Variants in SPATA17 observed in about 807,000 individuals in gnomAD.
The protein encoded by SPATA17 is spermatogenesis-associated protein 17.
In SPATA17, 53 loss-of-function variants were observed where a neutral mutation model predicts 62.2. The observed-to-expected ratio is 0.85, with a 90% CI of 0.68 to 1.07. The LOEUF (loss-of-function observed/expected upper bound fraction) is 1.07. Among genes scored for constraint, SPATA17 ranks in the 50% least tolerant of loss-of-function variants. The probability of loss-of-function intolerance (pLI) is 0.00; values close to 1 mark genes in which losing one functional copy is unlikely to be tolerated. For missense variants in SPATA17, 466 were observed against 425.5 expected, an observed-to-expected ratio of 1.10 and a Z score of -0.84; for synonymous variants, 146 against 146.8, an observed-to-expected ratio of 0.99 and a Z score of 0.04.
intron 9 of SPATA17, among the ~76,000 whole-genome samples, chr1:217,831,724 G>A (rs1432487553): frequency 6.6e-6 from 1 of 152,058 alleles, no homozygotes; most frequent in South Asian, 2.1e-4. Flanking sequence ...TTAGAAGACT[G>A]GAAGCATGTC....
rs1672243332 is a variant in SPATA17 at position 217,725,669 on chromosome 1, G to T, written c.396-16306G>T. Among the ~76,000 whole-genome samples the T allele has an allele frequency of 2.6e-5, 4 of 152,202 alleles. No individual in the cohort carries two copies. In the South Asian group the frequency reaches 8.3e-4, roughly 32 times the overall value. On this transcript the variant is annotated intron_variant, in intron 5 of 10. Transcript: ENST00000366933. ...GTAGAGACAGAGTTTTGCCATGTTG[G>T]CCAGGCTGGTCTCAAACTCCTGACC...
chr1:217,830,190 C>T (rs1048960417), intron 9 of SPATA17, among the ~76,000 whole-genome samples: 10 of 151,988 alleles, frequency 6.6e-5, no homozygotes, highest in Non-Finnish European at 1.5e-5. Flanking sequence ...TTGTATCTTC[C>T]ATTCAATTTT....
rs909899692 is a variant in SPATA17, at chr1:217,668,952, T to C, written c.241-81T>C. 3 of 1,191,032 alleles carry C rather than the reference T, an allele frequency of 2.5e-6. No homozygotes were observed. The African/African-American group carries it at 4.6e-5, about 18-fold the overall frequency. 73.8% of individuals were successfully genotyped at this position (1,191,032 alleles called of 1,614,324 possible). A position where few individuals can be genotyped will look rare whatever the true frequency, so the allele number is the denominator to read the frequency against. ...CTTATTATGTATTATGTATAAAGAT[T>C]CTTATCTTTTATATGTAAAAATAGG... On this transcript the variant is annotated intron_variant, in intron 3 of 10. Transcript: ENST00000366933.
intron 1 of SPATA17, among the ~76,000 whole-genome samples, chr1:217,636,654 G>A (rs541009020): frequency 6.6e-6 from 1 of 152,180 alleles, no homozygotes; most frequent in African/African-American, 2.4e-5. Flanking sequence ...GAACTCCTGG[G>A]CTCAAGCCAT....
At chr1:217,660,296 T>G (rs888465070) in intron 3 of SPATA17, among the ~76,000 whole-genome samples, 6 of 152,194 alleles carry the variant, frequency 3.9e-5, no homozygotes, top group Non-Finnish European at 7.4e-5. Context: ...ACTGATACAT[T>G]TGTTTATTTA....
intron 3 of SPATA17, among the ~76,000 whole-genome samples, chr1:217,658,487 G>A (rs556503663): frequency 9.9e-4 from 150 of 152,258 alleles, no homozygotes; most frequent in African/African-American, 3.3e-3. Flanking sequence ...GGCCGGGTGT[G>A]GAGGCTCACA....
chr1:217,649,022 C>G (rs374223744), intron 2 of SPATA17, 51 bp downstream of exon 2: 474 of 1,268,916 alleles, frequency 3.7e-4, no homozygotes, highest in Non-Finnish European at 5.1e-4. Flanking sequence ...AAATATATTC[C>G]TTAGAAAATG....
intron 6 of SPATA17, among the ~76,000 whole-genome samples, chr1:217,755,131 A>T (rs1475713176): frequency 1.3e-5 from 2 of 152,092 alleles, no homozygotes; most frequent in African/African-American, 2.4e-5. Context: ...TTACAAAACA[A>T]AAAAAGAGGA....
At chr1:217,786,412 G>A (rs1193296000) in intron 8 of SPATA17, among the ~76,000 whole-genome samples, 2 of 152,120 alleles carry the variant, frequency 1.3e-5, no homozygotes, top group Admixed American at 6.6e-5. Flanking sequence ...ATAGATAAAA[G>A]TAGGCTGATG....
At position 217,801,817 on chromosome 1, in the gene SPATA17, A is replaced by T; in HGVS notation, c.972A>T (p.Arg324=). ...CTATTTCTTACAAAGAACAATTCCG[A>T]AGTGAAAATCCTAAGAAATGGATCT... ...YGPISYKEQF[R]SENPKKWICD... The change falls in exon 9 of 11, where the codon CGA becomes CGT. Residue 324 remains arginine (R), a synonymous_variant. Transcript: ENST00000366933. The T allele has an allele frequency of 6.2e-7, 1 of 1,610,698 alleles. No individual in the cohort carries two copies. The highest frequency in any genetic ancestry group is 1.1e-5 in the South Asian group (1 of 90,232).
At chr1:217,828,160 C>T (rs999053431) in intron 9 of SPATA17, among the ~76,000 whole-genome samples, 1 of 152,094 alleles carries the variant, frequency 6.6e-6, no homozygotes, top group Non-Finnish European at 1.5e-5. Context: ...AGACATCATA[C>T]TTTCTGATTT....
intron 9 of SPATA17, among the ~76,000 whole-genome samples, chr1:217,848,586 TCCACA>T (rs1675578608): frequency 6.6e-6 from 1 of 152,184 alleles, no homozygotes; most frequent in Non-Finnish European, 1.5e-5. Flanking sequence ...TCGAAGTTTC[TCCACA>T]CCCTGTAAAA....
intron 6 of SPATA17, among the ~76,000 whole-genome samples, chr1:217,749,992 T>C: frequency 8.6e-6 from 1 of 115,876 alleles, no homozygotes; most frequent in South Asian, 2.7e-4. Context: ...TCTCTATATA[T>C]ATATATATAT....
intron 9 of SPATA17, among the ~76,000 whole-genome samples, chr1:217,809,392 T>C (rs1674525172): frequency 6.6e-6 from 1 of 152,166 alleles, no homozygotes; most frequent in Admixed American, 6.5e-5. Flanking sequence ...TACCTGAGAC[T>C]AAGTAATTTA....
intron 9 of SPATA17, among the ~76,000 whole-genome samples, chr1:217,823,551 C>T (rs920299897): frequency 7.2e-5 from 11 of 151,954 alleles, no homozygotes; most frequent in Non-Finnish European, 1.2e-4. Flanking sequence ...AACCACTACC[C>T]TCACTGGACT....
At chr1:217,695,062 C>G (rs1388407817) in intron 5 of SPATA17, among the ~76,000 whole-genome samples, 1 of 122,002 alleles carries the variant, frequency 8.2e-6, no homozygotes, top group Non-Finnish European at 1.7e-5. Flanking sequence ...TGGGGAAGTT[C>G]TCCTGGATAA....
intron 3 of SPATA17, among the ~76,000 whole-genome samples, chr1:217,654,894 G>A (rs1266219506): frequency 3.9e-5 from 6 of 151,930 alleles, no homozygotes; most frequent in Non-Finnish European, 8.8e-5. Context: ...TGTATTTTTA[G>A]TAGAGATGGG....
intron 5 of SPATA17, among the ~76,000 whole-genome samples, chr1:217,693,089 T>G (rs1481477627): frequency 1.4e-5 from 2 of 138,886 alleles, no homozygotes; most frequent in African/African-American, 5.4e-5. Flanking sequence ...CTTGTACCTC[T>G]GGTAGAATTC....
intron 2 of SPATA17, among the ~76,000 whole-genome samples, chr1:217,650,127 CG>C (rs1425196330): frequency 6.6e-6 from 1 of 151,700 alleles, no homozygotes; most frequent in Non-Finnish European, 1.5e-5. Context: ...TTAGTAGAGG[CG>C]GGGTTTCTCC....
Sources: gnomAD v4.1 joint callset for allele counts (sites outside exome capture counted in the v4.1 genomes callset) on GRCh38, gnomAD v4.1.1 for gene constraint, MANE v1.5 for transcripts, NCBI Gene and HGNC (gene_info 2026-07-23, HGNC 2026-07-21) for gene names.